PLXNA4: variants seen among roughly 807,000 people sequenced by gnomAD.
The protein encoded by PLXNA4 is plexin-A4.
Under a neutral mutation model 191.8 loss-of-function variants are expected in PLXNA4, and 44 were observed. The ratio of observed to expected loss-of-function variants is 0.23; its 90% CI spans 0.18 to 0.29. The LOEUF (loss-of-function observed/expected upper bound fraction) is 0.29, where lower values mean the gene tolerates loss of function less well. PLXNA4 is among the 10% of genes least tolerant of loss of function. The pLI is 1.00. For missense variants in PLXNA4, 1,800 were observed against 2,488.8 expected, an observed-to-expected ratio of 0.72 and a Z score of 5.89; for synonymous variants, 1,082 against 1,009.5, an observed-to-expected ratio of 1.07 and a Z score of -1.36.
intron 25 of PLXNA4, among the ~76,000 whole-genome samples, chr7:132,151,620 GGGAAGGAGA>G (rs369613353): frequency 5.5e-4 from 83 of 151,242 alleles, no homozygotes; most frequent in Middle Eastern, 3.4e-3. Flanking sequence ...GGGGGAGAAG[GGGAAGGAGA>G]GGAAGGAGAG....
chr7:132,491,888 G>C (rs182192030), intron 2 of PLXNA4, among the ~76,000 whole-genome samples: 1 of 152,304 alleles, frequency 6.6e-6, no homozygotes, highest in Admixed American at 6.5e-5. Flanking sequence ...GTAGAAGAAA[G>C]GAAGGACAAA....
intron 2 of PLXNA4, among the ~76,000 whole-genome samples, chr7:132,496,315 C>A (rs1798008741): frequency 6.6e-6 from 1 of 152,190 alleles, no homozygotes; most frequent in African/African-American, 2.4e-5. Context: ...TGAGGTGCCT[C>A]CCCTAGTTAC....
In PLXNA4 at chr7:132,446,461, T is replaced by C. The variant is rs147833024; in HGVS notation, c.1371+42831A>G. Among the ~76,000 whole-genome samples the C allele has an allele frequency of 5.3e-5, 8 of 152,294 alleles. No homozygotes were observed. In the East Asian group the frequency reaches 7.7e-4, roughly 15 times the overall value. ...AAAGGGTGGAACTCATGGATTCCAC[T>C]GGAGGAGCCCAGAGAAGAAACCTGG... On this transcript the variant is annotated intron_variant, in intron 3 of 31. Transcript: ENST00000321063.
In PLXNA4 at chr7:132,140,624, G is replaced by A. The variant is rs1270739553; in HGVS notation, c.5413C>T (p.Pro1805Ser). The change falls in exon 30 of 32, where the codon CCC becomes TCC. Residue 1805 changes from proline (P) to serine (S), a missense_variant. By Grantham distance (74) the Pro-to-Ser change is moderately conservative (BLOSUM62 -1). Coordinates refer to ENST00000321063, the MANE Select transcript of PLXNA4 (RefSeq NM_020911.2). Reference protein sequence around the residue: ...SNKLLYAKDIPSYKNWVERYY... With the variant: ...SNKLLYAKDISSYKNWVERYY... ...CTCTCCACCCAATTCTTGTAGCTGG[G>A]GATGTCCTTGGCATACAGCAGCTTG... 6.2e-7 allele frequency: 1 copy of A among 1,614,088 alleles called. No homozygotes were observed. Among genetic ancestry groups the A allele is most frequent in the South Asian group, 1.1e-5 (1 of 91,054 alleles).
chr7:132,546,254 T>C (rs1429374081), intron 1 of PLXNA4, among the ~76,000 whole-genome samples: 1 of 152,190 alleles, frequency 6.6e-6, no homozygotes, highest in African/African-American at 2.4e-5. Flanking sequence ...AATGCAGGAA[T>C]AGATGCTTCC....
At chr7:132,227,796 G>C (rs1798380173) in intron 6 of PLXNA4, among the ~76,000 whole-genome samples, 192 bp from the exon 7 acceptor site, 1 of 152,204 alleles carries the variant, frequency 6.6e-6, no homozygotes, top group Non-Finnish European at 1.5e-5. Context: ...GAGATGCAAA[G>C]AGACAGAGAC....
In PLXNA4 at chr7:132,592,772, G is replaced by A. The variant is rs1380379842; in HGVS notation, c.-87+53156C>T. ...AATTACACATTGTGACTAGATCAGG[G>A]GCTGCCACAGAAAGATAAATACCAA... On this transcript the variant is annotated intron_variant, in intron 2 of 4. Coordinates refer to the PLXNA4 transcript ENST00000378539. Among the ~76,000 whole-genome samples, 4 of 151,430 alleles carry A rather than the reference G, an allele frequency of 2.6e-5. No individual in the cohort carries two copies. In the East Asian group the frequency reaches 7.8e-4, roughly 29 times the overall value.
chr7:132,597,507 G>A (rs1802733196), intron 2 of PLXNA4, among the ~76,000 whole-genome samples: 1 of 151,932 alleles, frequency 6.6e-6, no homozygotes, highest in South Asian at 2.1e-4. Flanking sequence ...CTAGGCTTTA[G>A]GCCAGAGAAT....
At chr7:132,543,280 A>G (rs1800159486) in intron 1 of PLXNA4, among the ~76,000 whole-genome samples, 3 of 152,304 alleles carry the variant, frequency 2.0e-5, no homozygotes, top group Non-Finnish European at 4.4e-5. Flanking sequence ...GTTCCAACCC[A>G]AAATGTTCCC....
At chr7:132,433,520 A>G (rs1343872693) in intron 3 of PLXNA4, among the ~76,000 whole-genome samples, 1 of 152,232 alleles carries the variant, frequency 6.6e-6, no homozygotes, top group Non-Finnish European at 1.5e-5. Context: ...GTTTGTGCTC[A>G]GCATTCATTT....
intron 3 of PLXNA4, among the ~76,000 whole-genome samples, chr7:132,457,498 A>T (rs1287175526): frequency 6.6e-6 from 1 of 152,204 alleles, no homozygotes; most frequent in East Asian, 1.9e-4. Context: ...ATGATGTTTC[A>T]TGAAGGTAGG....
intron 3 of PLXNA4, among the ~76,000 whole-genome samples, chr7:132,311,485 A>T (rs549124277): frequency 6.6e-5 from 10 of 152,128 alleles, no homozygotes; most frequent in Non-Finnish European, 1.0e-4. Context: ...CAGTAAGTGG[A>T]GCACCACACT....
At chr7:132,172,930 T>A (rs1796336452) in intron 21 of PLXNA4, among the ~76,000 whole-genome samples, 1 of 152,188 alleles carries the variant, frequency 6.6e-6, no homozygotes, top group Non-Finnish European at 1.5e-5. Flanking sequence ...TGTTCAGACA[T>A]AATTTCCCGT....
chr7:132,150,032 C>T (rs1562884199), intron 25 of PLXNA4, among the ~76,000 whole-genome samples: 1 of 152,184 alleles, frequency 6.6e-6, no homozygotes, highest in Admixed American at 6.5e-5. Context: ...TCCCTGCTGC[C>T]TGATTTACAG....
chr7:132,397,301 A>G (rs56898053), intron 3 of PLXNA4, among the ~76,000 whole-genome samples: 31,601 of 152,136 alleles, frequency 0.21, 4,820 homozygotes, highest in African/African-American at 0.42. Context: ...TGTAAAAAGC[A>G]CCACCGTCAC....
At chr7:132,385,033 A>G in intron 3 of PLXNA4, 2 of 1,448,110 alleles carry the variant, frequency 1.4e-6, no homozygotes, top group Non-Finnish European at 1.8e-6. Context: ...CACATTCTCC[A>G]AAGTCTTTTT....
chr7:132,447,910 C>T (rs1337329294), intron 3 of PLXNA4, among the ~76,000 whole-genome samples: 1 of 152,034 alleles, frequency 6.6e-6, no homozygotes, highest in African/African-American at 2.4e-5. Context: ...ACTTAGGAGG[C>T]TGAGGTAGGA....
chr7:132,224,188 T>C (rs56358406), intron 8 of PLXNA4, among the ~76,000 whole-genome samples: 5,966 of 152,200 alleles, frequency 0.039, 183 homozygotes, highest in Non-Finnish European at 0.058. Context: ...AAGCCCAACA[T>C]GGTTCCCTTT....
At chr7:132,151,588 GA>G (rs1795644440) in intron 25 of PLXNA4, among the ~76,000 whole-genome samples, 3 of 70,106 alleles carry the variant, frequency 4.3e-5, no homozygotes, top group Non-Finnish European at 9.7e-5. Flanking sequence ...AGGAGGAGGA[GA>G]AAGGAGGAGA....
Sources: gnomAD v4.1 joint callset for allele counts (sites outside exome capture counted in the v4.1 genomes callset) on GRCh38, gnomAD v4.1.1 for gene constraint, MANE v1.5 for transcripts, NCBI Gene and HGNC (gene_info 2026-07-23, HGNC 2026-07-21) for gene names.